WDR20: variants seen among roughly 807,000 people sequenced by gnomAD.
WDR20 encodes the protein WD repeat-containing protein 20.
A neutral mutation model predicts 38.7 loss-of-function variants in WDR20; 3 were observed. The observed-to-expected ratio is 0.08, with a 90% confidence interval of 0.04 to 0.20. The LOEUF (loss-of-function observed/expected upper bound fraction) is 0.20. WDR20 is among the 10% of genes least tolerant of loss of function. The pLI is 1.00. For missense variants in WDR20, 559 were observed against 727.7 expected, an observed-to-expected ratio of 0.77 and a Z score of 2.67; for synonymous variants, 298 against 285.6, an observed-to-expected ratio of 1.04 and a Z score of -0.44.
chr14:102,205,077 C>T (rs1299083346), intron 2 of WDR20, among the ~76,000 whole-genome samples: 1 of 152,156 alleles, frequency 6.6e-6, no homozygotes, highest in Non-Finnish European at 1.5e-5. Context: ...AACATAGCGA[C>T]ACCCTGTATT....
At chr14:102,178,690 G>T (rs1251834692) in intron 1 of WDR20, among the ~76,000 whole-genome samples, 1 of 151,720 alleles carries the variant, frequency 6.6e-6, no homozygotes, top group African/African-American at 2.4e-5. Flanking sequence ...TGCCTTATAG[G>T]ATCTAGTATT....
chr14:102,179,460 GA>G (rs1226767282), intron 1 of WDR20, among the ~76,000 whole-genome samples: 1 of 130,288 alleles, frequency 7.7e-6, no homozygotes, highest in Non-Finnish European at 1.6e-5. Flanking sequence ...AAAAAAGAAA[GA>G]AAAAAGAAAT....
chr14:102,185,246 C>T (rs998410060), intron 1 of WDR20, among the ~76,000 whole-genome samples: 1 of 152,056 alleles, frequency 6.6e-6, no homozygotes, highest in Non-Finnish European at 1.5e-5. Context: ...TAATGTTTCC[C>T]GAGTGCCTTT....
Position 102,210,357 on chromosome 14 carries a change from T to C in WDR20, c.*477T>C, listed in dbSNP as rs2062303482. Reference sequence around the variant, plus strand: ...TTTTTTATCTTAATCATAAAATGTTTAGGAATCTATGAAATTTAACTTTAG... The same window carrying C: ...TTTTTTATCTTAATCATAAAATGTTCAGGAATCTATGAAATTTAACTTTAG... On this transcript the variant is annotated 3_prime_UTR_variant, in exon 3 of 3. Transcript: ENST00000342702. The C allele has an allele frequency of 1.0e-6, 1 of 985,894 alleles. No homozygotes were observed. The highest frequency in any genetic ancestry group is 4.7e-5 in the South Asian group (1 of 21,290). 61.1% of individuals were successfully genotyped at this position (985,894 alleles called of 1,614,324 possible).
rs928029998 is a variant in WDR20, at chr14:102,220,494, CAGGT to C, written c.1693-2335_1693-2332del. Among the ~76,000 whole-genome samples, 4 of 152,192 alleles carry C rather than the reference CAGGT, an allele frequency of 2.6e-5. No homozygotes were observed. The highest frequency in any genetic ancestry group is 4.4e-5 in the Non-Finnish European group (3 of 68,030). Reference sequence around the variant, plus strand: ...ATCCCAGCACTTTGGGAGGCCAAGGCAGGTGGATCACGAGGTCAGGAGGTCTTCA... The same window carrying C: ...ATCCCAGCACTTTGGGAGGCCAAGGCGGATCACGAGGTCAGGAGGTCTTCA... On this transcript the variant is annotated intron_variant, in intron 3 of 3. Coordinates refer to the WDR20 transcript ENST00000335263. The surrounding 1 kb of genome is among the most constrained non-coding windows in gnomAD (Gnocchi z 4.2).
intron 2 of WDR20, chr14:102,198,069 A>T: frequency 2.5e-6 from 1 of 392,732 alleles, no homozygotes; most frequent in Admixed American, 4.3e-5. Flanking sequence ...GAGCAGGCCC[A>T]AGAAAGGGAG....
chr14:102,195,214 A>T, intron 2 of WDR20, 94 bp downstream of exon 2: 1 of 1,419,876 alleles, frequency 7.0e-7, no homozygotes, highest in Non-Finnish European at 9.6e-7. Flanking sequence ...CTTCAAGCTA[A>T]GCCCATTTTT....
downstream of WDR20, chr14:102,214,172 C>T (rs985476668): frequency 6.1e-6 from 6 of 985,506 alleles, no homozygotes; most frequent in Non-Finnish European, 7.2e-6. Context: ...GACCTGGAGA[C>T]GCCTCCTCCG....
intron 1 of WDR20, among the ~76,000 whole-genome samples, chr14:102,148,624 G>T (rs1190579): frequency 0.91 from 136,903 of 151,232 alleles, 62,029 homozygotes; most frequent in East Asian, 1. Context: ...CTATTGTGGC[G>T]GATGTGAAGT....
At chr14:102,223,849 G>C (rs192227405), downstream of WDR20, among the ~76,000 whole-genome samples, 259 of 152,100 alleles carry the variant, frequency 1.7e-3, no homozygotes, top group African/African-American at 3.3e-3. Context: ...CTCTGTGGTC[G>C]CCTCACAGCC....
intron 1 of WDR20, among the ~76,000 whole-genome samples, chr14:102,161,831 G>A (rs2058820819): frequency 6.6e-6 from 1 of 152,174 alleles, no homozygotes; most frequent in Non-Finnish European, 1.5e-5. Flanking sequence ...TATCCAGGAT[G>A]AGAATGAACA....
chr14:102,161,530 G>T (rs1214877182), intron 1 of WDR20, among the ~76,000 whole-genome samples: 1 of 151,842 alleles, frequency 6.6e-6, no homozygotes, highest in Non-Finnish European at 1.5e-5. Flanking sequence ...CCCATGCTGG[G>T]TTCACTAGTG....
intron 1 of WDR20, among the ~76,000 whole-genome samples, chr14:102,144,929 C>T (rs1463785008): frequency 6.6e-6 from 1 of 152,082 alleles, no homozygotes; most frequent in African/African-American, 2.4e-5. Flanking sequence ...GAACTCCTGG[C>T]CTCAAGTGAT....
At chr14:102,200,110 A>T (rs374785230) in intron 2 of WDR20, among the ~76,000 whole-genome samples, 1 of 152,234 alleles carries the variant, frequency 6.6e-6, no homozygotes, top group Non-Finnish European at 1.5e-5. Context: ...CCTCAGTCAC[A>T]CTGGAGGTCC....
At chr14:102,178,362 A>C (rs2062618280) in intron 1 of WDR20, among the ~76,000 whole-genome samples, 1 of 150,706 alleles carries the variant, frequency 6.6e-6, no homozygotes. Flanking sequence ...ATTGCACTCC[A>C]GCCTGGGCTA....
rs1567108735 is a variant in WDR20, at chr14:102,221,727, C to A, written c.1693-1103C>A. Among the ~76,000 whole-genome samples, 1 of 152,142 alleles carries A rather than the reference C, an allele frequency of 6.6e-6. No homozygotes were observed. The highest frequency in any genetic ancestry group is 2.4e-5 in the African/African-American group (1 of 41,416). Reference sequence around the variant, plus strand: ...CAGGCTTCCGGCAGCAGGGCGTGGGCGAGGCTGAAGGGCAGTTTCCGATTG... The same window carrying A: ...CAGGCTTCCGGCAGCAGGGCGTGGGAGAGGCTGAAGGGCAGTTTCCGATTG... On this transcript the variant is annotated intron_variant, in intron 3 of 3. Coordinates refer to the WDR20 transcript ENST00000335263. This position sits in a 1 kb window ranked among gnomAD's most constrained non-coding sequence, Gnocchi z 4.8.
downstream of WDR20, among the ~76,000 whole-genome samples, chr14:102,210,986 A>G (rs541917108): frequency 6.6e-6 from 1 of 152,152 alleles, no homozygotes; most frequent in Non-Finnish European, 1.5e-5. Flanking sequence ...CTTCGTCCTC[A>G]GTGGCTCCCA....
intron 2 of WDR20, among the ~76,000 whole-genome samples, chr14:102,204,177 G>A (rs1274681065): frequency 6.6e-6 from 1 of 152,096 alleles, no homozygotes; most frequent in East Asian, 1.9e-4. Context: ...GGGTCTGATG[G>A]GCCCGTCTGT....
downstream of WDR20, among the ~76,000 whole-genome samples, chr14:102,224,299 C>G (rs535016675): frequency 6.6e-6 from 1 of 152,076 alleles, no homozygotes; most frequent in Admixed American, 6.6e-5. Flanking sequence ...CTTGGCCTCC[C>G]AAAGTGCTGG....
Sources: allele counts gnomAD v4.1 joint callset (sites outside exome capture counted in the v4.1 genomes callset), GRCh38; gene constraint gnomAD v4.1.1; non-coding constraint Gnocchi (gnomAD v3.1); transcripts MANE v1.5; gene names NCBI Gene and HGNC (gene_info 2026-07-23, HGNC 2026-07-21).